COL6A2: variants seen among roughly 807,000 people sequenced by gnomAD.
The protein encoded by COL6A2 is collagen type VI alpha 2 chain.
In COL6A2, 90 loss-of-function variants were observed where a neutral mutation model predicts 124.9. The observed-to-expected ratio is 0.72, with a 90% CI of 0.61 to 0.86. COL6A2 has a LOEUF of 0.86. Ranked by LOEUF, COL6A2 falls within the 40% of genes least tolerant of loss-of-function variation. COL6A2 has a pLI of 0.00. For synonymous variants in COL6A2, 793 were observed against 618.2 expected, an observed-to-expected ratio of 1.28 and a Z score of -4.19; for missense variants, 1,607 against 1,502.5, an observed-to-expected ratio of 1.07 and a Z score of -1.15.
At chr21:46,124,098 G>T (rs893972915) in intron 21 of COL6A2, among the ~76,000 whole-genome samples, 2 of 150,544 alleles carry the variant, frequency 1.3e-5, no homozygotes, top group African/African-American at 2.4e-5. Flanking sequence ...GTGGGTAGAG[G>T]ATGGACGGAC....
At chr21:46,122,368 A>G (rs1278426530) in intron 19 of COL6A2, 128 bp from the exon 20 acceptor site, 1 of 1,367,008 alleles carries the variant, frequency 7.3e-7, no homozygotes, top group Non-Finnish European at 1.0e-6. Flanking sequence ...CTCAGAACGC[A>G]GCACAGTGGC....
chr21:46,114,201 C>A (rs1020600324), intron 5 of COL6A2, 128 bp downstream of exon 5: 25 of 742,650 alleles, frequency 3.4e-5, no homozygotes, highest in Non-Finnish European at 5.6e-5. Flanking sequence ...CCGAGGCGGG[C>A]GGATCACAAC....
intron 11 of COL6A2, 130 bp downstream of exon 11, chr21:46,117,583 G>T: frequency 1.0e-6 from 1 of 962,892 alleles, no homozygotes; most frequent in Non-Finnish European, 1.6e-6. Flanking sequence ...CAGCCCAGCA[G>T]CCCCAGCCCA....
At chr21:46,118,458 A>G (rs562104515) in intron 12 of COL6A2, among the ~76,000 whole-genome samples, 156 bp from the exon 13 acceptor site, 1 of 152,298 alleles carries the variant, frequency 6.6e-6, no homozygotes, top group South Asian at 2.1e-4. Context: ...CGGAGGTTCC[A>G]GCAGCCCCCA....
chr21:46,116,414 T>C lies in COL6A2; in HGVS notation c.927+11T>C. 1 of 1,612,736 alleles carries C rather than the reference T, an allele frequency of 6.2e-7. No individual in the cohort carries two copies. Among genetic ancestry groups the C allele is most frequent in the Non-Finnish European group, 8.5e-7 (1 of 1,179,948 alleles). ...TTCAAAGGAGAGAAGGTGAGGCTCT[T>C]GCCCTGACAGACCTCAGACCTGCGC... is the stretch of plus-strand genomic sequence containing the variant. On this transcript the variant is annotated intron_variant, in intron 8 of 27. Coordinates refer to ENST00000300527, the MANE Select transcript of COL6A2 (RefSeq NM_001849.4). The surrounding 1 kb of genome is among the most constrained non-coding windows in gnomAD (Gnocchi z 4.6).
At position 46,121,265 on chromosome 21, in the gene COL6A2, C is replaced by T. The variant is rs574038028; in HGVS notation, c.1458+142C>T. ...CTGGCCTCAGAAGCCAGGACCTGCT[C>T]CCCTAGACCCCGAGTACCTCATACC... On this transcript the variant is annotated intron_variant, in intron 17 of 27. Coordinates refer to ENST00000300527, the MANE Select transcript of COL6A2 (RefSeq NM_001849.4). 30 of 837,406 alleles carry T rather than the reference C, an allele frequency of 3.6e-5. No individual in the cohort carries two copies. In the East Asian group the frequency reaches 4.0e-4, roughly 11 times the overall value. The allele number at this position is 837,406 out of a possible 1,614,324, so 51.9% of individuals were successfully genotyped here. A position where few individuals can be genotyped will look rare whatever the true frequency, so the allele number is the denominator to read the frequency against.
Position 46,126,514 on chromosome 21 carries a change from G to C in COL6A2, c.2434G>C (p.Val812Leu). 6.2e-7 allele frequency: 1 copy of C among 1,612,310 alleles called. No individual in the cohort carries two copies. Among genetic ancestry groups the C allele is most frequent in the Non-Finnish European group, 8.5e-7 (1 of 1,179,012 alleles). ...EDVLCPDPQI[V>L]CPDLPCQTEL... ...CTCCTCTCTTCCAGACCCTCAGATC[G>C]TGTGCCCAGACCTTCCCTGCCAAAC... The change falls in exon 27 of 28, where the codon GTG (valine) becomes CTG (leucine). Residue 812 changes from valine (V) to leucine (L), a missense_variant. This residue lies in a region of COL6A2 where 1,223 missense variants were observed against 1,052.2 expected (regional missense o/e 1.16). Coordinates refer to ENST00000300527, the MANE Select transcript of COL6A2 (RefSeq NM_001849.4).
chr21:46,128,078 C>T (rs577309575), intron 27 of COL6A2, among the ~76,000 whole-genome samples: 11 of 152,316 alleles, frequency 7.2e-5, no homozygotes, highest in South Asian at 2.1e-4. Context: ...CTCAGGGTGA[C>T]GTGGGCCTCG....
At chr21:46,114,443 A>G (rs2123622088) in intron 5 of COL6A2, among the ~76,000 whole-genome samples, 1 of 152,032 alleles carries the variant, frequency 6.6e-6, no homozygotes, top group African/African-American at 2.4e-5. Flanking sequence ...AAAAAAAAGA[A>G]AAGAAAGCCA....
At chr21:46,124,997 G>A in intron 23 of COL6A2, 77 bp downstream of exon 23, 5 of 1,553,504 alleles carry the variant, frequency 3.2e-6, no homozygotes, top group African/African-American at 1.4e-5. Context: ...GGTGGGGGAA[G>A]GTCAGCTGGC....
At chr21:46,109,574 G>C (rs565578564) in intron 1 of COL6A2, among the ~76,000 whole-genome samples, 1 of 152,226 alleles carries the variant, frequency 6.6e-6, no homozygotes, top group African/African-American at 2.4e-5. Flanking sequence ...AAGGGGCACC[G>C]GTGCCCAGCC....
At chr21:46,108,643 A>AT (rs2078361386) in intron 1 of COL6A2, among the ~76,000 whole-genome samples, 2 of 151,930 alleles carry the variant, frequency 1.3e-5, no homozygotes, top group Non-Finnish European at 2.9e-5. Context: ...GCAATTGCAT[A>AT]TTTTTTCCCA....
chr21:46,132,053 G>A lies in COL6A2; in HGVS notation c.2561G>A (p.Arg854His), dbSNP rs201035005. 3.4e-5 allele frequency: 55 copies of A among 1,607,074 alleles called. No individual in the cohort carries two copies. The highest frequency in any genetic ancestry group is 4.5e-5 in the East Asian group (2 of 44,708). The change falls in exon 28 of 28, where the codon CGC becomes CAC. Residue 854 changes from arginine to histidine, a missense_variant. Physicochemically the swap from Arg to His is conservative, Grantham distance 29. Transcript: ENST00000300527. ...LGEQNFHKAR[R>H]FVEQVARRLT... is the part of the protein sequence containing the mutation. ...GAGCAGAACTTCCACAAGGCCCGGC[G>A]CTTCGTGGAGCAGGTGGCGCGGCGG...
chr21:46,127,782 T>A (rs565340442), intron 27 of COL6A2, among the ~76,000 whole-genome samples: 1 of 152,284 alleles, frequency 6.6e-6, no homozygotes, highest in African/African-American at 2.4e-5. Flanking sequence ...TGGCTTCCCC[T>A]CCACTCCAGG....
intron 1 of COL6A2, among the ~76,000 whole-genome samples, chr21:46,102,062 C>T (rs542624950): frequency 5.3e-5 from 8 of 151,682 alleles, no homozygotes; most frequent in African/African-American, 1.9e-4. Context: ...TTTAAATGTC[C>T]TCTTCAATTT....
At chr21:46,123,637 GTGGA>G (rs1008297930) in intron 21 of COL6A2, among the ~76,000 whole-genome samples, 13 of 151,920 alleles carry the variant, frequency 8.6e-5, no homozygotes, top group Middle Eastern at 3.4e-3. Flanking sequence ...GAGTGGGTGG[GTGGA>G]TGGATAAGTG....
At chr21:46,124,983 C>G (rs1197756330) in intron 23 of COL6A2, 63 bp downstream of exon 23, 1 of 1,592,164 alleles carries the variant, frequency 6.3e-7, no homozygotes, top group East Asian at 2.2e-5. Context: ...CCAAGAGCAG[C>G]AGGGGTGGGG....
In COL6A2 at chr21:46,116,648, CAG is replaced by C. The variant is rs1568929469; in HGVS notation, c.928-2_928-1del. ...TCACTGCGCCGGCTTTCCTCCTACA[CAG>C]GGTGAATTTGGAGCCGACGGTCGCA... On this transcript the variant is annotated splice_acceptor_variant, in intron 8 of 27. Coordinates refer to ENST00000300527, the MANE Select transcript of COL6A2 (RefSeq NM_001849.4). LOFTEE classifies it high-confidence loss of function. This position sits in a 1 kb window ranked among gnomAD's most constrained non-coding sequence, Gnocchi z 4.6. 1 of 1,613,056 alleles carries C rather than the reference CAG, an allele frequency of 6.2e-7. No individual in the cohort carries two copies. Among genetic ancestry groups the C allele is most frequent in the Non-Finnish European group, 8.5e-7 (1 of 1,180,030 alleles).
At position 46,117,470 on chromosome 21, in the gene COL6A2, C is replaced by A. The variant is rs1484806593; in HGVS notation, c.1053+17C>A. On this transcript the variant is annotated intron_variant, in intron 11 of 27. Transcript: ENST00000300527. ...GGAAACCGGGTAAGGGCCGTTTGCA[C>A]CCCTCCTTCAGCCTCGGCCCAGGGG... The A allele has an allele frequency of 5.0e-6, 8 of 1,611,950 alleles. No homozygotes were observed. Among genetic ancestry groups the A allele is most frequent in the Non-Finnish European group, 5.1e-6 (6 of 1,179,478 alleles).
Sources: allele counts gnomAD v4.1 joint callset (sites outside exome capture counted in the v4.1 genomes callset), GRCh38; gene constraint gnomAD v4.1.1; regional missense constraint gnomAD v4.1.1; non-coding constraint Gnocchi (gnomAD v3.1); transcripts MANE v1.5; gene names NCBI Gene and HGNC (gene_info 2026-07-23, HGNC 2026-07-21).